Variants in BRF1 observed in about 807,000 individuals in gnomAD.
The protein encoded by BRF1 is BRF1 general transcription factor IIIB subunit.
A neutral mutation model predicts 81.7 loss-of-function variants in BRF1; 59 were observed. The observed-to-expected ratio is 0.72, with a 90% CI of 0.59 to 0.90. The LOEUF is 0.90. BRF1 is among the 40% of genes least tolerant of loss of function. BRF1 has a pLI of 0.00. For missense variants in BRF1, 1,050 were observed against 936.3 expected, an observed-to-expected ratio of 1.12 and a Z score of -1.58; for synonymous variants, 491 against 395.6, an observed-to-expected ratio of 1.24 and a Z score of -2.86.
chr14:105,312,530 G>C (rs1461821520), intron 1 of BRF1, among the ~76,000 whole-genome samples: 2 of 152,172 alleles, frequency 1.3e-5, no homozygotes, highest in Non-Finnish European at 2.9e-5. Flanking sequence ...CGCTACCAGA[G>C]AAAGCACCTG....
chr14:105,219,324 G>A (rs587763144), intron 12 of BRF1, 92 bp from the exon 13 acceptor site: 27 of 1,574,504 alleles, frequency 1.7e-5, no homozygotes, highest in East Asian at 2.3e-5. Flanking sequence ...TATTTCCACC[G>A]TTAGAGGAAG....
At chr14:105,218,974 A>C (rs772624585) in intron 14 of BRF1, 24 bp downstream of exon 14, 1 of 1,613,688 alleles carries the variant, frequency 6.2e-7, no homozygotes, top group Non-Finnish European at 8.5e-7. Context: ...CAAGAAGGCC[A>C]GGCCCAGCGT....
chr14:105,243,770 T>C (rs1207354033), intron 5 of BRF1, among the ~76,000 whole-genome samples: 1 of 148,380 alleles, frequency 6.7e-6, no homozygotes, highest in Non-Finnish European at 1.5e-5. Flanking sequence ...CCGAGGAGGG[T>C]GGATCACCTG....
upstream of BRF1, among the ~76,000 whole-genome samples, chr14:105,303,381 C>G (rs1457434693): frequency 6.6e-6 from 1 of 152,132 alleles, no homozygotes; most frequent in Admixed American, 6.5e-5. Flanking sequence ...GTAGCTGGGA[C>G]TACAGGTGCC....
chr14:105,294,565 C>A (rs188489193), intron 1 of BRF1, among the ~76,000 whole-genome samples: 3 of 152,342 alleles, frequency 2.0e-5, no homozygotes, highest in Non-Finnish European at 1.5e-5. Flanking sequence ...GCTGCAAACT[C>A]TGTGCCCAGC....
At chr14:105,249,589 C>G (rs375252620) in intron 5 of BRF1, 1 of 1,586,350 alleles carries the variant, frequency 6.3e-7, no homozygotes. Context: ...GGCCCAGCCC[C>G]GCGATGGGTG....
intron 1 of BRF1, among the ~76,000 whole-genome samples, chr14:105,312,217 C>T (rs941527377): frequency 6.6e-6 from 1 of 152,246 alleles, no homozygotes; most frequent in African/African-American, 2.4e-5. Context: ...CGAAGCCAGG[C>T]GGACAGAGGA....
intron 1 of BRF1, among the ~76,000 whole-genome samples, chr14:105,298,578 G>A (rs587675193): frequency 6.6e-6 from 1 of 152,344 alleles, no homozygotes; most frequent in African/African-American, 2.4e-5. Context: ...ATTTAGGCCA[G>A]GTGCGGTGGC....
intron 5 of BRF1, chr14:105,249,206 G>C (rs1329068171): frequency 2.9e-5 from 46 of 1,588,682 alleles, no homozygotes; most frequent in Non-Finnish European, 3.8e-5. Flanking sequence ...GCACTTCGTC[G>C]TGGGGCCCCC....
chr14:105,293,858 C>T (rs2057622499), intron 1 of BRF1, among the ~76,000 whole-genome samples: 1 of 152,224 alleles, frequency 6.6e-6, no homozygotes, highest in Non-Finnish European at 1.5e-5. Context: ...TTAAATATTC[C>T]AGAGTAAACT....
At position 105,210,769 on chromosome 14, in the gene BRF1, C is replaced by G. The variant is rs587647632; in HGVS notation, c.1997-181G>C. ...CTCCACCTCCCGGGACTGGCATGCA[C>G]CCAGAGCAGGGCCTTGCTCCTCGTC... On this transcript the variant is annotated intron_variant, in intron 17 of 17. Transcript: ENST00000547530. This position sits in a 1 kb window ranked among gnomAD's most constrained non-coding sequence, Gnocchi z 4.7. Among the ~76,000 whole-genome samples, 143 of 152,130 alleles carry G rather than the reference C, an allele frequency of 9.4e-4. 1 individual carries two copies. Among genetic ancestry groups the G allele is most frequent in the African/African-American group, 3.3e-3 (136 of 41,482 alleles).
At chr14:105,283,101 C>T (rs2057175260) in intron 2 of BRF1, among the ~76,000 whole-genome samples, 1 of 152,192 alleles carries the variant, frequency 6.6e-6, no homozygotes, top group African/African-American at 2.4e-5. Context: ...GACATGCTCC[C>T]AGGACACTCG....
Position 105,300,746 on chromosome 14 carries a change from G to C in BRF1, c.-117C>G, listed in dbSNP as rs914467666. ...GCCGCCCAGGCCTCGCCGCTCTCGC[G>C]AGGCCCCGCTCCAGCCGATTCGCAG... On this transcript the variant is annotated 5_prime_UTR_variant, in exon 1 of 18. Transcript: ENST00000547530. The C allele has an allele frequency of 2.2e-5, 18 of 807,836 alleles. No homozygotes were observed. Among genetic ancestry groups the C allele is most frequent in the African/African-American group, 3.6e-5 (2 of 55,220 alleles). 50.0% of individuals were successfully genotyped at this position (807,836 alleles called of 1,614,324 possible). A position where few individuals can be genotyped will look rare whatever the true frequency, so the allele number is the denominator to read the frequency against.
intron 2 of BRF1, among the ~76,000 whole-genome samples, chr14:105,275,497 C>T (rs2056844736): frequency 6.6e-6 from 1 of 152,264 alleles, no homozygotes; most frequent in Non-Finnish European, 1.5e-5. Flanking sequence ...CCAGCACAGA[C>T]CGTCCCCGCG....
In BRF1 at chr14:105,228,928, G is replaced by A; in HGVS notation, c.695-15C>T. 1 of 1,612,554 alleles carries A rather than the reference G, an allele frequency of 6.2e-7. No individual in the cohort carries two copies. Among genetic ancestry groups the A allele is most frequent in the Non-Finnish European group, 8.5e-7 (1 of 1,179,612 alleles). On this transcript the variant is annotated splice_polypyrimidine_tract_variant and intron_variant, in intron 6 of 17. Coordinates refer to ENST00000547530, the MANE Select transcript of BRF1 (RefSeq NM_001519.4). ...AACCAGGAGCGCTGGAAGGCAACGAGACGGGCCTCGTCAACCACGGCTGGG... is the reference window on the plus strand; with the variant it reads ...AACCAGGAGCGCTGGAAGGCAACGAAACGGGCCTCGTCAACCACGGCTGGG...
At chr14:105,303,287 A>G (rs972140128), upstream of BRF1, among the ~76,000 whole-genome samples, 5 of 152,050 alleles carry the variant, frequency 3.3e-5, no homozygotes, top group Non-Finnish European at 7.3e-5. Flanking sequence ...TCTGTCACCC[A>G]GGCTGGAATG....
intron 1 of BRF1, among the ~76,000 whole-genome samples, chr14:105,294,002 G>T (rs1438486624): frequency 6.6e-6 from 1 of 152,194 alleles, no homozygotes; most frequent in Non-Finnish European, 1.5e-5. Flanking sequence ...GGGGCGGCTG[G>T]GGCCTACTTG....
chr14:105,265,064 TG>T (rs775646352), intron 3 of BRF1, among the ~76,000 whole-genome samples: 2,244 of 142,228 alleles, frequency 0.016, 115 homozygotes, highest in African/African-American at 0.055. Flanking sequence ...GTTTTTTTTT[TG>T]TTTGTTTGTT....
intron 3 of BRF1, among the ~76,000 whole-genome samples, chr14:105,260,350 C>T (rs971149967): frequency 6.6e-6 from 1 of 151,992 alleles, no homozygotes; most frequent in African/African-American, 2.4e-5. Context: ...CTCCACAATT[C>T]ACTTCAACTT....
Sources: allele counts gnomAD v4.1 joint callset (sites outside exome capture counted in the v4.1 genomes callset), GRCh38; gene constraint gnomAD v4.1.1; non-coding constraint Gnocchi (gnomAD v3.1); transcripts MANE v1.5; gene names NCBI Gene and HGNC (gene_info 2026-07-23, HGNC 2026-07-21).